The following UBR1 variants were observed in gnomAD, a reference collection of about 807,000 sequenced individuals.
The protein encoded by UBR1 is E3 ubiquitin-protein ligase UBR1.
A neutral mutation model predicts 242.1 loss-of-function variants in UBR1; 102 were observed. That is an observed-to-expected ratio of 0.42 (90% confidence interval 0.36 to 0.50). UBR1 has a LOEUF of 0.50. UBR1 is among the 20% of genes least tolerant of loss of function. The pLI is 0.01. For missense variants in UBR1, 1,772 were observed against 2,101.8 expected, an observed-to-expected ratio of 0.84 and a Z score of 3.07; for synonymous variants, 675 against 684.8, an observed-to-expected ratio of 0.99 and a Z score of 0.22.
chr15:43,081,904 A>T (rs1448001568), intron 3 of UBR1, among the ~76,000 whole-genome samples: 3 of 152,020 alleles, frequency 2.0e-5, no homozygotes, highest in Admixed American at 6.6e-5. Flanking sequence ...TTATCATTTT[A>T]AAAAAACTGA....
intron 44 of UBR1, among the ~76,000 whole-genome samples, chr15:42,953,859 G>A (rs1261722022): frequency 6.6e-6 from 1 of 151,360 alleles, no homozygotes; most frequent in Non-Finnish European, 1.5e-5. Context: ...CAGATCCTCC[G>A]AGGAGCCAAC....
intron 24 of UBR1, 111 bp downstream of exon 24, chr15:43,025,270 C>T (rs2033164910): frequency 9.4e-7 from 1 of 1,066,940 alleles, no homozygotes; most frequent in East Asian, 2.6e-5. Flanking sequence ...CTTTGCACTT[C>T]CTTGAGTTGC....
rs1333958683 is a variant in UBR1, at chr15:43,086,215, T to C, written c.107A>G (p.Tyr36Cys). 6.2e-7 allele frequency: 1 copy of C among 1,613,944 alleles called. No homozygotes were observed. The highest frequency in any genetic ancestry group is 8.5e-7 in the Non-Finnish European group (1 of 1,179,980). Reference protein sequence around the residue: ...ASWWDQQVDFYTAFLHHLAQL... With the variant: ...ASWWDQQVDFCTAFLHHLAQL... ...TGCCAAATGATGCAAGAAAGCAGTATAAAAATCAACTTGCTGATCCCACCA... is the reference window on the plus strand; with the variant it reads ...TGCCAAATGATGCAAGAAAGCAGTACAAAAATCAACTTGCTGATCCCACCA... The change falls in exon 2 of 47, where the codon TAT becomes TGT. Residue 36 changes from tyrosine to cysteine, a missense_variant. Tyr to Cys is a radical substitution (Grantham distance 194). Around this residue, in one of 3 missense-constraint regions of UBR1, gnomAD observed 734 missense variants for 893.3 expected, o/e 0.82. Coordinates refer to ENST00000290650, the MANE Select transcript of UBR1 (RefSeq NM_174916.3).
chr15:43,071,155 C>G (rs1446297801), intron 4 of UBR1, among the ~76,000 whole-genome samples: 1 of 152,160 alleles, frequency 6.6e-6, no homozygotes, highest in Non-Finnish European at 1.5e-5. Context: ...ACCATGAAGT[C>G]TCCCCATTAG....
At chr15:42,949,306 C>G (rs1484158800) in intron 46 of UBR1, among the ~76,000 whole-genome samples, 1 of 149,276 alleles carries the variant, frequency 6.7e-6, no homozygotes, top group Non-Finnish European at 1.5e-5. Context: ...GGAGGGATAG[C>G]ATTTGGAGAT....
chr15:42,977,870 G>A lies in UBR1; in HGVS notation c.4218+10C>T. 6.2e-7 allele frequency: 1 copy of A among 1,608,786 alleles called. No individual in the cohort carries two copies. The highest frequency in any genetic ancestry group is 8.5e-7 in the Non-Finnish European group (1 of 1,175,614). ...CATGAGTGACTTAAACAAAATTACT[G>A]AACACTTACCAAAACATGAAACAGA... is the stretch of plus-strand genomic sequence containing the variant. On this transcript the variant is annotated intron_variant, in intron 38 of 46. Transcript: ENST00000290650.
At chr15:43,043,722 C>T (rs2033449309) in intron 14 of UBR1, among the ~76,000 whole-genome samples, 1 of 152,200 alleles carries the variant, frequency 6.6e-6, no homozygotes, top group South Asian at 2.1e-4. Context: ...GCTAGCATTA[C>T]AGGTGTGGGC....
chr15:43,104,960 G>C (rs1232001199), intron 1 of UBR1, among the ~76,000 whole-genome samples: 1 of 152,014 alleles, frequency 6.6e-6, no homozygotes, highest in East Asian at 1.9e-4. Context: ...CCTGAACTCG[G>C]AAGGTTGCAG....
chr15:43,067,811 C>A (rs2033772323), intron 6 of UBR1, 87 bp downstream of exon 6: 5 of 1,549,896 alleles, frequency 3.2e-6, no homozygotes, highest in Non-Finnish European at 4.4e-6. Context: ...TCAGACCTAG[C>A]ACAATACTGA....
At chr15:43,103,318 TG>T (rs1418480889) in intron 1 of UBR1, among the ~76,000 whole-genome samples, 2 of 152,218 alleles carry the variant, frequency 1.3e-5, no homozygotes, top group African/African-American at 4.8e-5. Flanking sequence ...ATGAGTTGTT[TG>T]TGCCACTGCA....
intron 46 of UBR1, among the ~76,000 whole-genome samples, chr15:42,948,974 G>A (rs2031782513): frequency 6.6e-6 from 1 of 152,064 alleles, no homozygotes; most frequent in Admixed American, 6.6e-5. Flanking sequence ...AAAGACACAT[G>A]CACACGTATG....
At chr15:42,970,432 A>AT (rs2032185054) in intron 40 of UBR1, 88 bp downstream of exon 40, 1 of 1,375,042 alleles carries the variant, frequency 7.3e-7, no homozygotes, top group South Asian at 1.2e-5. Flanking sequence ...TTTAACTGGA[A>AT]TTTAAATGAT....
At position 42,998,074 on chromosome 15, in the gene UBR1, C is replaced by T. The variant is rs922360644; in HGVS notation, c.3757+94G>A. 12 of 1,142,196 alleles carry T rather than the reference C, an allele frequency of 1.1e-5. No homozygotes were observed. In the African/African-American group the frequency reaches 1.6e-4, roughly 15 times the overall value. 70.8% of individuals were successfully genotyped at this position (1,142,196 alleles called of 1,614,324 possible). A position where few individuals can be genotyped will look rare whatever the true frequency, so the allele number is the denominator to read the frequency against. ...TTTCCTGATATTCAAGAAATCTGTA[C>T]TTGCAAACCATATTTTAGCCCAATA... On this transcript the variant is annotated intron_variant, in intron 33 of 46. Coordinates refer to ENST00000290650, the MANE Select transcript of UBR1 (RefSeq NM_174916.3).
Position 43,026,354 on chromosome 15 carries a change from T to G in UBR1, c.2535+207A>C, listed in dbSNP as rs1444932501. 6 of 500,796 alleles carry G rather than the reference T, an allele frequency of 1.2e-5. No individual in the cohort carries two copies. The Admixed American group carries it at 1.7e-4, about 14-fold the overall frequency. The allele number at this position is 500,796 out of a possible 1,614,324, so 31.0% of individuals were successfully genotyped here. The stretch of plus-strand genomic sequence containing the variant: ...TGAATCCTCTTCCCAAAACAGCTAT[T>G]AAAGACATATGTAGTATAATCAGGA... On this transcript the variant is annotated intron_variant, in intron 23 of 46. Transcript: ENST00000290650.
intron 1 of UBR1, among the ~76,000 whole-genome samples, chr15:43,087,872 A>G (rs2034057868): frequency 1.3e-5 from 2 of 152,234 alleles, no homozygotes; most frequent in Admixed American, 1.3e-4. Context: ...ATGTCCTGAT[A>G]TGGAACATAA....
Position 42,999,081 on chromosome 15 carries a change from C to T in UBR1, c.3660-816G>A, listed in dbSNP as rs1030302267. 2.6e-5 allele frequency among the ~76,000 whole-genome samples: 4 copies of T among 151,910 alleles called. No homozygotes were observed. The East Asian group carries it at 5.8e-4, about 22-fold the overall frequency. ...TCAGCCTCCCGAGTTGCTGGGATTA[C>T]AAGTGCCTGCCACCACGCCCAGCTA... is the stretch of plus-strand genomic sequence containing the variant. On this transcript the variant is annotated intron_variant, in intron 32 of 46. Coordinates refer to ENST00000290650, the MANE Select transcript of UBR1 (RefSeq NM_174916.3).
intron 23 of UBR1, chr15:43,025,990 G>T (rs1441065534): frequency 6.4e-6 from 1 of 157,302 alleles, no homozygotes; most frequent in East Asian, 1.9e-4. Context: ...CAGGACGTTG[G>T]GAGGCCGAGG....
intron 37 of UBR1, among the ~76,000 whole-genome samples, chr15:42,980,179 C>T (rs910286330): frequency 2.0e-5 from 3 of 152,186 alleles, no homozygotes; most frequent in African/African-American, 7.2e-5. Flanking sequence ...AAAGAATACT[C>T]TTTGTGTCAT....
chr15:43,045,559 T>A (rs1001619032), intron 14 of UBR1, among the ~76,000 whole-genome samples: 1 of 152,062 alleles, frequency 6.6e-6, no homozygotes, highest in Non-Finnish European at 1.5e-5. Flanking sequence ...ACACTGTAGC[T>A]TAGGAGAGTC....
Sources: allele counts gnomAD v4.1 joint callset (sites outside exome capture counted in the v4.1 genomes callset), GRCh38; gene constraint gnomAD v4.1.1; regional missense constraint gnomAD v4.1.1; transcripts MANE v1.5; gene names NCBI Gene and HGNC (gene_info 2026-07-23, HGNC 2026-07-21).